The following ZFP90 variants were observed in gnomAD, a reference collection of about 807,000 sequenced individuals.
The protein encoded by ZFP90 is zinc finger protein 90 homolog.
In ZFP90, 38 loss-of-function variants were observed where a neutral mutation model predicts 60.8. That is an observed-to-expected ratio of 0.62 (90% CI 0.48 to 0.82). The LOEUF is 0.82. ZFP90 is among the 40% of genes least tolerant of loss of function. The pLI is 0.00. For synonymous variants in ZFP90, 287 were observed against 264.8 expected (o/e 1.08, Z -0.82); for missense variants, 711 against 759.1 (o/e 0.94, Z 0.74).
At chr16:68,572,055 T>A (rs1200890821), downstream of ZFP90, among the ~76,000 whole-genome samples, 1 of 152,166 alleles carries the variant, frequency 6.6e-6, no homozygotes, top group Non-Finnish European at 1.5e-5. Context: ...GTGGGGTCTC[T>A]GATGCAGTGG....
chr16:68,550,666 A>G (rs900695871), intron 2 of ZFP90, among the ~76,000 whole-genome samples: 3 of 152,168 alleles, frequency 2.0e-5, no homozygotes, highest in African/African-American at 7.2e-5. Flanking sequence ...CCAGTTTGTA[A>G]TTGGGTGAAC....
rs1446068326 is a variant in ZFP90 at position 68,539,473 on chromosome 16, A to AT, written c.-40dup. Reference sequence around the variant, plus strand: ...AATCCGGAGCCCCCCAGAGGCGGTGATTCTGAGTGCGCGGGTCTGGGCGGG... The same window carrying AT: ...AATCCGGAGCCCCCCAGAGGCGGTGATTTCTGAGTGCGCGGGTCTGGGCGGG... On this transcript the variant is annotated 5_prime_UTR_variant, in exon 1 of 5. Coordinates refer to ENST00000563169, the MANE Select transcript of ZFP90 (RefSeq NM_001305203.2). 1 of 405,174 alleles carries AT rather than the reference A, an allele frequency of 2.5e-6. No individual in the cohort carries two copies. The highest frequency in any genetic ancestry group is 4.4e-6 in the Non-Finnish European group (1 of 228,078). The allele number at this position is 405,174 out of a possible 1,614,324, so 25.1% of individuals were successfully genotyped here.
chr16:68,535,262 T>C (rs539303547), upstream of ZFP90, among the ~76,000 whole-genome samples: 26 of 152,344 alleles, frequency 1.7e-4, no homozygotes, highest in African/African-American at 6.3e-4. Context: ...GAATACAGGC[T>C]GTAATTCCAC....
intron 2 of ZFP90, among the ~76,000 whole-genome samples, chr16:68,545,016 A>C (rs1269603559): frequency 2.0e-5 from 3 of 151,252 alleles, no homozygotes; most frequent in Admixed American, 2.0e-4. Context: ...AGTAGCTGGG[A>C]CTACAGGCAC....
At chr16:68,569,899 C>G (rs1346926811), downstream of ZFP90, among the ~76,000 whole-genome samples, 3 of 152,086 alleles carry the variant, frequency 2.0e-5, no homozygotes, top group Admixed American at 2.0e-4. Flanking sequence ...TCAAGTCGTC[C>G]TCTAGTGTAT....
At chr16:68,538,706 CA>C (rs34774456), upstream of ZFP90, among the ~76,000 whole-genome samples, 12 of 145,434 alleles carry the variant, frequency 8.3e-5, no homozygotes, top group South Asian at 2.2e-4. Flanking sequence ...AACTGTGTCT[CA>C]AAAAAAAAAA....
At chr16:68,555,950 A>G (rs983327484) in intron 2 of ZFP90, among the ~76,000 whole-genome samples, 5 of 152,176 alleles carry the variant, frequency 3.3e-5, no homozygotes, top group African/African-American at 4.8e-5. Flanking sequence ...TCTGCTTTCG[A>G]TGTCTTTTTG....
chr16:68,551,415 C>CTTTTTTT (rs10538200), intron 2 of ZFP90, among the ~76,000 whole-genome samples: 1 of 123,024 alleles, frequency 8.1e-6, no homozygotes, highest in African/African-American at 3.2e-5. Context: ...ACATGTGATC[C>CTTTTTTT]TTTTTTTTTT....
chr16:68,565,121 T>G lies in ZFP90; in HGVS notation c.*423T>G, dbSNP rs903122393. On this transcript the variant is annotated 3_prime_UTR_variant, in exon 5 of 5. Coordinates refer to ENST00000563169, the MANE Select transcript of ZFP90 (RefSeq NM_001305203.2). ...TGCAGCTCTTACATTAACTTCACCA[T>G]GGAAACCAGTTCCAACTCCAGGAAG... 17 of 993,720 alleles carry G rather than the reference T, an allele frequency of 1.7e-5. No individual in the cohort carries two copies. Among genetic ancestry groups the G allele is most frequent in the Middle Eastern group, 1.0e-3 (2 of 1,948 alleles). 61.6% of individuals were successfully genotyped at this position (993,720 alleles called of 1,614,324 possible). A position where few individuals can be genotyped will look rare whatever the true frequency, so the allele number is the denominator to read the frequency against.
chr16:68,574,964 G>A (rs954724045), intron 2 of ZFP90, among the ~76,000 whole-genome samples: 21 of 149,882 alleles, frequency 1.4e-4, no homozygotes, highest in Admixed American at 1.4e-3. Flanking sequence ...AAGAGACACT[G>A]TGAAACCCAG....
downstream of ZFP90, among the ~76,000 whole-genome samples, chr16:68,572,092 A>G (rs1260777840): frequency 1.3e-5 from 2 of 152,090 alleles, no homozygotes; most frequent in African/African-American, 2.4e-5. Context: ...TGAAGCCTCA[A>G]ACTCCTGGGC....
intron 2 of ZFP90, chr16:68,574,048 C>T (rs985736800): frequency 1.3e-5 from 2 of 151,888 alleles, no homozygotes; most frequent in Non-Finnish European, 2.9e-5. Context: ...TGCCACTAGC[C>T]ATCTGTGTCC....
chr16:68,548,577 G>A (rs780774245), intron 2 of ZFP90, among the ~76,000 whole-genome samples: 1 of 132,852 alleles, frequency 7.5e-6, no homozygotes, highest in African/African-American at 2.8e-5. Context: ...CGCTACCTCC[G>A]CTTCCCAGGT....
At chr16:68,558,688 C>T in intron 4 of ZFP90, 120 bp downstream of exon 4, 2 of 812,070 alleles carry the variant, frequency 2.5e-6, no homozygotes, top group Admixed American at 2.3e-5. Context: ...AGGCTGAAGC[C>T]ATCGCCTGGC....
At chr16:68,561,271 C>A (rs1330646623) in intron 4 of ZFP90, among the ~76,000 whole-genome samples, 1 of 152,196 alleles carries the variant, frequency 6.6e-6, no homozygotes, top group African/African-American at 2.4e-5. Context: ...AATAGAAACT[C>A]CCTGATTTAA....
intron 2 of ZFP90, among the ~76,000 whole-genome samples, chr16:68,534,220 A>AT (rs369277075): frequency 2.1e-5 from 1 of 47,316 alleles, no homozygotes. Context: ...TAACTTAAAG[A>AT]TTTTCTTTCT....
intron 2 of ZFP90, among the ~76,000 whole-genome samples, chr16:68,550,525 A>G (rs1344946644): frequency 6.6e-6 from 1 of 152,210 alleles, no homozygotes; most frequent in Non-Finnish European, 1.5e-5. Flanking sequence ...TGCTGGGATT[A>G]TAGGTGTGAG....
At chr16:68,544,205 G>A (rs867924303) in intron 2 of ZFP90, among the ~76,000 whole-genome samples, 2 of 152,152 alleles carry the variant, frequency 1.3e-5, no homozygotes, top group Non-Finnish European at 2.9e-5. Context: ...AACAAAAAAG[G>A]CATTTGCCAT....
upstream of ZFP90, among the ~76,000 whole-genome samples, chr16:68,537,037 G>C (rs1259153599): frequency 6.6e-6 from 1 of 152,060 alleles, no homozygotes; most frequent in East Asian, 1.9e-4. Context: ...AGCACACCAA[G>C]CTTGTTCCCA....
Sources: gnomAD v4.1 joint callset for allele counts (sites outside exome capture counted in the v4.1 genomes callset) on GRCh38, gnomAD v4.1.1 for gene constraint, MANE v1.5 for transcripts, NCBI Gene and HGNC (gene_info 2026-07-23, HGNC 2026-07-21) for gene names.